The following GAB3 variants were observed in gnomAD, a reference collection of about 807,000 sequenced individuals.
GAB3 encodes the protein GRB2-associated-binding protein 3.
A neutral mutation model predicts 40.4 loss-of-function variants in GAB3; 12 were observed. The ratio of observed to expected loss-of-function variants is 0.30; its 90% CI spans 0.19 to 0.48. The LOEUF (loss-of-function observed/expected upper bound fraction) is 0.48. Ranked by LOEUF, GAB3 falls within the 20% of genes least tolerant of loss-of-function variation. The pLI is 0.99. For synonymous variants in GAB3, 154 were observed against 176.7 expected, an observed-to-expected ratio of 0.87 and a Z score of 1.02; for missense variants, 381 against 461.9, an observed-to-expected ratio of 0.82 and a Z score of 1.61.
At chrX:154,738,616 T>C (rs1557260827) in intron 1 of GAB3, among the ~76,000 whole-genome samples, 1 of 111,735 alleles carries the variant, frequency 8.9e-6, no homozygotes, top group Non-Finnish European at 1.9e-5. Flanking sequence ...CTTCTCCTCG[T>C]CCCTACTCCT....
chrX:154,705,585 T>C (rs1006016280), intron 4 of GAB3, among the ~76,000 whole-genome samples: 3 of 111,063 alleles, frequency 2.7e-5, no homozygotes, highest in Non-Finnish European at 5.7e-5. Context: ...ATAAGGAACA[T>C]ACCTCAAAAT....
rs781934586 is a variant in GAB3 at position 154,675,693 on chromosome X, T to C, written c.*2485A>G. On this transcript the variant is annotated 3_prime_UTR_variant, in exon 10 of 10. Transcript: ENST00000424127. ...CAGAAAACGATGTGGGGTTAATTGC[T>C]GCATTGCCCTGTTATGCTGATTCCC... The C allele has an allele frequency of 1.2e-4, 14 of 112,410 alleles. No homozygotes were observed. In the South Asian group the frequency reaches 5.2e-3, roughly 41 times the overall value. The allele number at this position is 112,410 out of a possible 1,213,427, so 9.3% of individuals were successfully genotyped here. A position where few individuals can be genotyped will look rare whatever the true frequency, so the allele number is the denominator to read the frequency against.
At chrX:154,745,823 G>A (rs1192693228) in intron 1 of GAB3, among the ~76,000 whole-genome samples, 2 of 111,032 alleles carry the variant, frequency 1.8e-5, no homozygotes, top group Admixed American at 9.5e-5. Context: ...AGGCCGAAGC[G>A]GGTGGATCAC....
chrX:154,694,714 A>G (rs1557250244), intron 8 of GAB3, among the ~76,000 whole-genome samples: 2 of 112,261 alleles, frequency 1.8e-5, no homozygotes, highest in African/African-American at 6.5e-5. Flanking sequence ...TTCTCACAAC[A>G]TCAAAGATCA....
At chrX:154,705,748 G>A (rs7061145) in intron 4 of GAB3, among the ~76,000 whole-genome samples, 2,829 of 111,007 alleles carry the variant, frequency 0.025, 86 homozygotes, top group African/African-American at 0.087. Context: ...AGAGCAATCA[G>A]GCAAAAGAAA....
intron 4 of GAB3, among the ~76,000 whole-genome samples, chrX:154,701,572 T>C (rs1427786792): frequency 1.8e-5 from 2 of 111,945 alleles, no homozygotes; most frequent in East Asian, 2.8e-4. Context: ...GGGGTGGTGA[T>C]AGCTATGGAG....
Position 154,705,823 on chromosome X carries a change from A to G in GAB3, c.1070-5764T>C, listed in dbSNP as rs184955866. Among the ~76,000 whole-genome samples the G allele has an allele frequency of 3.9e-3, 438 of 112,311 alleles. 4 individuals are homozygous for G. Among genetic ancestry groups the G allele is most frequent in the African/African-American group, 0.013 (417 of 30,963 alleles). On this transcript the variant is annotated intron_variant, in intron 4 of 9. Transcript: ENST00000424127. ...TCTCTCTATTTGCACATGACATAAT[A>G]TTAAATACAGGAAAATTTAAAGATG...
upstream of GAB3, among the ~76,000 whole-genome samples, chrX:154,751,284 C>CGGGGGGG (rs1247944998): frequency 3.8e-5 from 2 of 52,337 alleles, no homozygotes; most frequent in African/African-American, 1.5e-4. Flanking sequence ...CGGCTGTGCC[C>CGGGGGGG]GGGGGGGGGG....
intron 8 of GAB3, among the ~76,000 whole-genome samples, chrX:154,692,660 C>T (rs782667359): frequency 3.6e-5 from 4 of 111,515 alleles, no homozygotes; most frequent in Admixed American, 9.5e-5. Flanking sequence ...TGGTGGTACA[C>T]GCCTGTAATT....
intron 1 of GAB3, among the ~76,000 whole-genome samples, chrX:154,747,789 T>C (rs782499123): frequency 8.9e-6 from 1 of 112,594 alleles, no homozygotes; most frequent in Admixed American, 9.4e-5. Flanking sequence ...AGATTTAACA[T>C]TAAATCCATG....
intron 1 of GAB3, among the ~76,000 whole-genome samples, chrX:154,741,020 T>C (rs372508404): frequency 1.8e-5 from 2 of 112,191 alleles, no homozygotes; most frequent in East Asian, 5.6e-4. Context: ...TATACTATAA[T>C]TCCCACATGT....
intron 1 of GAB3, among the ~76,000 whole-genome samples, chrX:154,728,077 A>G (rs1177799205): frequency 1.8e-5 from 2 of 110,930 alleles, no homozygotes; most frequent in African/African-American, 6.6e-5. Flanking sequence ...GGTGAGAGTG[A>G]TTATTGTCCC....
chrX:154,737,420 T>C (rs1294072179), intron 1 of GAB3, among the ~76,000 whole-genome samples: 1 of 111,388 alleles, frequency 9.0e-6, no homozygotes, highest in Admixed American at 9.5e-5. Flanking sequence ...TCTCCCAAAA[T>C]TCTGCCCTAG....
intron 8 of GAB3, among the ~76,000 whole-genome samples, chrX:154,680,515 C>T (rs1470662525): frequency 2.7e-5 from 3 of 112,406 alleles, no homozygotes; most frequent in South Asian, 7.3e-4. Context: ...ATTTGCTTCA[C>T]GAATCTGACA....
At chrX:154,721,185 A>C in intron 1 of GAB3, among the ~76,000 whole-genome samples, 1 of 112,747 alleles carries the variant, frequency 8.9e-6, no homozygotes, top group Non-Finnish European at 1.9e-5. Flanking sequence ...AGAAACAAAA[A>C]ATGGGTGAAG....
chrX:154,739,341 G>GATGA (rs1186738632), intron 1 of GAB3, among the ~76,000 whole-genome samples: 1 of 111,524 alleles, frequency 9.0e-6, no homozygotes, highest in Admixed American at 9.5e-5. Context: ...TCCATTAATG[G>GATGA]ATGAATGGAA....
At position 154,692,838 on chromosome X, in the gene GAB3, AC is replaced by A. The variant is rs782085473; in HGVS notation, c.1530+3078del. Among the ~76,000 whole-genome samples, 3 of 111,985 alleles carry A rather than the reference AC, an allele frequency of 2.7e-5. No homozygotes were observed. The Admixed American group carries it at 2.8e-4, about 11-fold the overall frequency. On this transcript the variant is annotated intron_variant, in intron 8 of 9. Transcript: ENST00000424127. ...TTAGTGAGGATGTGGAGAAATTGGA[AC>A]CCTTGTGCGTTACTGGCAGTAATGT...
chrX:154,749,283 CA>C (rs782460717), intron 1 of GAB3, among the ~76,000 whole-genome samples: 3 of 112,608 alleles, frequency 2.7e-5, no homozygotes, highest in East Asian at 2.8e-4. Flanking sequence ...GCTTAAGATA[CA>C]AAAAAAGACT....
Position 154,695,073 on chromosome X carries a change from T to C in GAB3, c.1530+844A>G, listed in dbSNP as rs782331913. Among the ~76,000 whole-genome samples, 15 of 112,278 alleles carry C rather than the reference T, an allele frequency of 1.3e-4. No individual in the cohort carries two copies. In the South Asian group the frequency reaches 5.1e-3, roughly 38 times the overall value. On this transcript the variant is annotated intron_variant, in intron 8 of 9. Coordinates refer to ENST00000424127, the MANE Select transcript of GAB3 (RefSeq NM_001081573.3). ...TATCCTTGCATATAGGAAGGCAGAA[T>C]TGTCTTCTCAAGAGTATATTGTCAC... is the stretch of plus-strand genomic sequence containing the variant.
Sources: allele counts gnomAD v4.1 joint callset (sites outside exome capture counted in the v4.1 genomes callset), GRCh38; gene constraint gnomAD v4.1.1; transcripts MANE v1.5; gene names NCBI Gene and HGNC (gene_info 2026-07-23, HGNC 2026-07-21).